Variants in ZNF469 observed in about 807,000 individuals in gnomAD.
The protein encoded by ZNF469 is zinc finger protein 469.
Under a neutral mutation model 1.0 loss-of-function variants are expected in ZNF469, and 1 was observed. That is an observed-to-expected ratio of 1.00 (90% CI 0.35 to 4.73). ZNF469 has a LOEUF of 4.73. ZNF469 is among the 30% of genes most tolerant of loss of function. ZNF469 has a pLI of 0.16. For synonymous variants in ZNF469, 2,703 were observed against 2,363.4 expected, an observed-to-expected ratio of 1.14 and a Z score of -4.17; for missense variants, 6,100 against 5,356.3, an observed-to-expected ratio of 1.14 and a Z score of -4.33.
At chr16:88,381,110 T>A (rs1449892822), upstream of ZNF469, among the ~76,000 whole-genome samples, 17 of 69,262 alleles carry the variant, frequency 2.5e-4, no homozygotes, top group Admixed American at 9.2e-4. Context: ...GGACATGCAC[T>A]CGCACACACG....
At chr16:88,310,685 C>T in the ZNF469 span, among the ~76,000 whole-genome samples, 58 of 152,058 alleles carry the variant, frequency 3.8e-4, no homozygotes, top group African/African-American at 1.3e-3. Flanking sequence ...TGGGTTCAAG[C>T]GATTCTCCTG....
chr16:88,423,047 G>A (rs532626249), intron 1 of ZNF469, among the ~76,000 whole-genome samples: 25 of 151,348 alleles, frequency 1.7e-4, no homozygotes, highest in Non-Finnish European at 1.6e-4. Flanking sequence ...GTAGGTGGGT[G>A]GATGGATGGG....
the ZNF469 span, among the ~76,000 whole-genome samples, chr16:88,248,030 G>A: frequency 6.6e-6 from 1 of 152,164 alleles, no homozygotes; most frequent in Non-Finnish European, 1.5e-5. Flanking sequence ...CCAAGTGGGA[G>A]GCCACCCACA....
At chr16:88,426,789 C>A (rs543547211) in intron 2 of ZNF469, among the ~76,000 whole-genome samples, 7 of 150,810 alleles carry the variant, frequency 4.6e-5, no homozygotes, top group African/African-American at 1.7e-4. Context: ...GGGGAGTCCC[C>A]GCTTGGAACC....
the ZNF469 span, among the ~76,000 whole-genome samples, chr16:88,139,372 G>A: frequency 1.4e-3 from 213 of 151,962 alleles, 1 homozygote; most frequent in Non-Finnish European, 2.1e-3. Context: ...GCTGTGAAAA[G>A]TGGATCCGAA....
At position 88,430,456 on chromosome 16, in the gene ZNF469, C is replaced by A. The variant is rs886052400; in HGVS notation, c.2986C>A (p.Arg996Ser). The A allele has an allele frequency of 6.8e-7, 1 of 1,477,688 alleles. No homozygotes were observed. 91.5% of individuals were successfully genotyped at this position (1,477,688 alleles called of 1,614,324 possible). A position where few individuals can be genotyped will look rare whatever the true frequency, so the allele number is the denominator to read the frequency against. ...GGAGCGGCCCCCACCCCGTCCCCGG[C>A]GCCCTAGAACGCAGGCCCCCGGGAG... ...LGERPPPRPR[R>S]PRTQAPGSRA... Residue 996 changes from arginine to serine, a missense_variant, in exon 3 of 3, where the codon CGC becomes AGC. Physicochemically the swap from Arg to Ser is moderately radical, Grantham distance 110 (BLOSUM62 -1). Coordinates refer to ENST00000565624, the MANE Select transcript of ZNF469 (RefSeq NM_001367624.2).
chr16:88,231,272 G>A, the ZNF469 span, among the ~76,000 whole-genome samples: 1 of 152,194 alleles, frequency 6.6e-6, no homozygotes, highest in East Asian at 1.9e-4. The surrounding 1 kb of genome is among the most constrained non-coding windows in gnomAD (Gnocchi z 4.5). Context: ...CTGGAGGAGG[G>A]CTTCACAGTG....
At chr16:88,364,489 C>CAA in the ZNF469 span, among the ~76,000 whole-genome samples, 384 of 56,110 alleles carry the variant, frequency 6.8e-3, 31 homozygotes, top group African/African-American at 0.018. Context: ...TGTTGATTTC[C>CAA]AAAAAAAAAA....
chr16:88,156,393 T>G, the ZNF469 span, among the ~76,000 whole-genome samples: 10 of 152,240 alleles, frequency 6.6e-5, no homozygotes, highest in Admixed American at 6.5e-4. Context: ...TGATCTACTG[T>G]GAGTCCCTTT....
At chr16:88,327,614 C>T in the ZNF469 span, among the ~76,000 whole-genome samples, 2 of 152,126 alleles carry the variant, frequency 1.3e-5, no homozygotes, top group Non-Finnish European at 2.9e-5. Context: ...GCACGTGCTC[C>T]GTACCTCAGG....
the ZNF469 span, among the ~76,000 whole-genome samples, chr16:88,229,815 C>A: frequency 6.6e-6 from 1 of 152,222 alleles, no homozygotes; most frequent in Non-Finnish European, 1.5e-5. Flanking sequence ...CTCCTCCACT[C>A]TGCCCCGCTG....
the ZNF469 span, among the ~76,000 whole-genome samples, chr16:88,328,345 C>T: frequency 1.3e-5 from 2 of 152,254 alleles, no homozygotes; most frequent in Non-Finnish European, 2.9e-5. Flanking sequence ...TGACGGCTCC[C>T]AGCCTGCACT....
the ZNF469 span, among the ~76,000 whole-genome samples, chr16:88,183,192 C>G: frequency 6.6e-6 from 1 of 152,216 alleles, no homozygotes; most frequent in Non-Finnish European, 1.5e-5. Context: ...GAAAATGCCG[C>G]GCGCCTGGAG....
upstream of ZNF469, among the ~76,000 whole-genome samples, chr16:88,380,852 T>TCG (rs2092520864): frequency 9.8e-6 from 1 of 102,180 alleles, no homozygotes; most frequent in Admixed American, 1.0e-4. Flanking sequence ...AGACATGCAC[T>TCG]CACATGCACT....
chr16:88,384,554 G>T (rs2092533155), intron 1 of ZNF469, among the ~76,000 whole-genome samples: 1 of 152,206 alleles, frequency 6.6e-6, no homozygotes, highest in Non-Finnish European at 1.5e-5. Context: ...GCGCCTGGCA[G>T]GTCCCAGACC....
At chr16:88,378,985 G>A (rs2092515074), upstream of ZNF469, among the ~76,000 whole-genome samples, 1 of 152,230 alleles carries the variant, frequency 6.6e-6, no homozygotes, top group Non-Finnish European at 1.5e-5. Context: ...TTGTCAGGAT[G>A]GACGGGTGTC....
the ZNF469 span, among the ~76,000 whole-genome samples, chr16:88,209,442 C>T: frequency 1.3e-5 from 2 of 152,054 alleles, no homozygotes; most frequent in Admixed American, 6.5e-5. Flanking sequence ...AGGTACCCGC[C>T]ACCGCACCCA....
the ZNF469 span, among the ~76,000 whole-genome samples, chr16:88,359,292 A>C: frequency 6.7e-6 from 1 of 149,456 alleles, no homozygotes; most frequent in Non-Finnish European, 1.5e-5. Flanking sequence ...TCTGCTTCTG[A>C]GTGTCCCGGG....
the ZNF469 span, among the ~76,000 whole-genome samples, chr16:88,151,373 G>A: frequency 1.1e-4 from 17 of 152,362 alleles, no homozygotes; most frequent in East Asian, 1.9e-4. The surrounding 1 kb of genome is among the most constrained non-coding windows in gnomAD (Gnocchi z 5.4). Context: ...CACGGAAGCC[G>A]GGGAGCGCTG....
Sources: allele counts gnomAD v4.1 joint callset (sites outside exome capture counted in the v4.1 genomes callset), GRCh38; gene constraint gnomAD v4.1.1; non-coding constraint Gnocchi (gnomAD v3.1); transcripts MANE v1.5; gene names NCBI Gene and HGNC (gene_info 2026-07-23, HGNC 2026-07-21).